CHD1: variants seen among roughly 807,000 people sequenced by gnomAD.
CHD1 encodes the protein chromodomain helicase DNA binding protein 1.
Under a neutral mutation model 224.2 loss-of-function variants are expected in CHD1, and 36 were observed. That is an observed-to-expected ratio of 0.16 (90% CI 0.12 to 0.21). The LOEUF (loss-of-function observed/expected upper bound fraction) is 0.21. Among genes scored for constraint, CHD1 ranks in the 10% least tolerant of loss-of-function variants. CHD1 has a pLI of 1.00. For missense variants in CHD1, 1,378 were observed against 1,994.8 expected, an observed-to-expected ratio of 0.69 and a Z score of 5.89; for synonymous variants, 668 against 658.3, an observed-to-expected ratio of 1.01 and a Z score of -0.23.
In CHD1 at chr5:98,870,699, A is replaced by G. The variant is rs1749266888; in HGVS notation, c.3966T>C (p.Ala1322=). ...LLSRDLAKKE[A]LSGAGSSKRR... Reference sequence around the variant, plus strand: ...GGCTTTAACTTACCGCACCAGAAAGAGCTTCTTTTTTTGCAAGATCTCTAC... The same window carrying G: ...GGCTTTAACTTACCGCACCAGAAAGGGCTTCTTTTTTTGCAAGATCTCTAC... The change falls in exon 29 of 36, where the codon GCT becomes GCC. Residue 1322 remains alanine, a synonymous_variant. Transcript: ENST00000614616. 2.5e-6 allele frequency: 4 copies of G among 1,593,624 alleles called. No individual in the cohort carries two copies. Among genetic ancestry groups the G allele is most frequent in the Non-Finnish European group, 3.4e-6 (4 of 1,168,610 alleles).
At chr5:98,870,951 T>G in intron 28 of CHD1, 148 bp from the exon 29 acceptor site, 1 of 443,544 alleles carries the variant, frequency 2.3e-6, no homozygotes, top group Non-Finnish European at 3.9e-6. Context: ...CAATGCAAAA[T>G]GTATTTTTTA....
intron 32 of CHD1, 150 bp downstream of exon 32, chr5:98,863,258 A>G (rs1050812535): frequency 2.2e-5 from 10 of 444,504 alleles, no homozygotes; most frequent in African/African-American, 4.1e-5. Context: ...ATTTAACATT[A>G]AAGGGAGAAA....
intron 12 of CHD1, among the ~76,000 whole-genome samples, chr5:98,895,107 C>A (rs991078385): frequency 6.6e-6 from 1 of 152,102 alleles, no homozygotes; most frequent in African/African-American, 2.4e-5. Flanking sequence ...AGGCATGAGC[C>A]GGCATGCCCG....
chr5:98,901,315 C>T lies in CHD1; in HGVS notation c.458G>A (p.Gly153Glu). Residue 153 changes from glycine to glutamate, a missense_variant, in exon 6 of 36, where the codon GGG (glycine) becomes GAG (glutamate). Transcript: ENST00000614616. Reference sequence around the variant, plus strand: ...ACCAGACTGAGATGGAGATCCTGACCCAGACATTTGCCAATCTTCACTGCA... The same window carrying T: ...ACCAGACTGAGATGGAGATCCTGACTCAGACATTTGCCAATCTTCACTGCA... ...KHKDEDWQMS[G>E]SGSPSQSGSD... 7 of 1,605,770 alleles carry T rather than the reference C, an allele frequency of 4.4e-6. No individual in the cohort carries two copies. The highest frequency in any genetic ancestry group is 1.1e-5 in the South Asian group (1 of 88,768).
At chr5:98,863,283 T>C (rs1217753198) in intron 32 of CHD1, 125 bp downstream of exon 32, 4 of 517,940 alleles carry the variant, frequency 7.7e-6, no homozygotes, top group East Asian at 3.3e-5. Flanking sequence ...AAAACAATCA[T>C]CTGTAGGTTA....
chr5:98,879,663 A>C lies in CHD1; in HGVS notation c.3126T>G (p.Asn1042Lys). 1 of 1,608,730 alleles carries C rather than the reference A, an allele frequency of 6.2e-7. No individual in the cohort carries two copies. Among genetic ancestry groups the C allele is most frequent in the South Asian group, 1.1e-5 (1 of 89,718 alleles). Residue 1042 changes from asparagine (N) to lysine (K), a missense_variant, in exon 23 of 36, where the codon AAT becomes AAG. By Grantham distance (94) the Asn-to-Lys change is moderately conservative (BLOSUM62 0). Transcript: ENST00000614616. ...IELEPERNSK[N>K]WEEIIPEDQR... ...GATCTTCTGGAATAATTTCCTCCCA[A>C]TTCTTTGAATTTCTTTCAGGTTCCA...
chr5:98,905,079 C>G lies in CHD1; in HGVS notation c.73G>C (p.Gly25Arg). ...CCAGATCCAGAGCCTGAAGCTGACC[C>G]AGAATCATCATCCGACTGGCTATAA... ...GESSQSDDDS[G>R]SASGSGSGSS... The change falls in exon 3 of 36, where the codon GGG (glycine) becomes CGG (arginine). Residue 25 changes from glycine (G) to arginine (R), a missense_variant. Gly to Arg is a moderately radical substitution (Grantham distance 125, BLOSUM62 -2). Transcript: ENST00000614616. The G allele has an allele frequency of 6.2e-7, 1 of 1,610,426 alleles. No individual in the cohort carries two copies. Among genetic ancestry groups the G allele is most frequent in the Non-Finnish European group, 8.5e-7 (1 of 1,176,668 alleles).
In CHD1 at chr5:98,883,291, G is replaced by A. The variant is rs1011131015; in HGVS notation, c.2569-54C>T. Reference sequence around the variant, plus strand: ...AAATTTTTCAATTGATTTTCTGAACGTAAGCAGTATGGTACTAATTAAACA... The same window carrying A: ...AAATTTTTCAATTGATTTTCTGAACATAAGCAGTATGGTACTAATTAAACA... On this transcript the variant is annotated intron_variant, in intron 18 of 35. Transcript: ENST00000614616. The A allele has an allele frequency of 4.2e-5, 54 of 1,280,886 alleles. 1 individual carries two copies. The highest frequency in any genetic ancestry group is 9.0e-5 in the African/African-American group (6 of 66,802). 79.3% of individuals were successfully genotyped at this position (1,280,886 alleles called of 1,614,324 possible). A position where few individuals can be genotyped will look rare whatever the true frequency, so the allele number is the denominator to read the frequency against.
At chr5:98,883,042 A>C in intron 19 of CHD1, 46 bp downstream of exon 19, 1 of 1,215,186 alleles carries the variant, frequency 8.2e-7, no homozygotes, top group Non-Finnish European at 1.1e-6. Context: ...AAAAAAAAAA[A>C]AGAATTCTAA....
chr5:98,867,787 T>G (rs550004412), intron 31 of CHD1, among the ~76,000 whole-genome samples: 203 of 146,722 alleles, frequency 1.4e-3, no homozygotes, highest in Non-Finnish European at 2.6e-3. Flanking sequence ...CCTCCTTTTA[T>G]CTTCCTTGTT....
rs569521312 is a variant in CHD1 at position 98,928,084 on chromosome 5, C to T, written c.-149+455G>A. Among the ~76,000 whole-genome samples, 60 of 152,234 alleles carry T rather than the reference C, an allele frequency of 3.9e-4. 2 individuals carry two copies. In the East Asian group the frequency reaches 0.011, roughly 28 times the overall value. ...TCCCTCGCGGACCTGCCCCCCTCTCCCAGGGCCTCCATCCCGGTCCAGGAG... is the reference window on the plus strand; with the variant it reads ...TCCCTCGCGGACCTGCCCCCCTCTCTCAGGGCCTCCATCCCGGTCCAGGAG... On this transcript the variant is annotated intron_variant, in intron 1 of 35. Coordinates refer to ENST00000614616, the MANE Select transcript of CHD1 (RefSeq NM_001270.4).
In CHD1 at chr5:98,914,244, G is replaced by C. The variant is rs75510523; in HGVS notation, c.54-9146C>G. 9.2e-3 allele frequency among the ~76,000 whole-genome samples: 1,401 copies of C among 152,282 alleles called. 16 individuals are homozygous for C. The highest frequency in any genetic ancestry group is 0.025 in the South Asian group (123 of 4,826). Reference sequence around the variant, plus strand: ...TGCTAGCTGAAAAGGGCAACCACTAGTATTGGAAGCCATACATTAAGAAGA... The same window carrying C: ...TGCTAGCTGAAAAGGGCAACCACTACTATTGGAAGCCATACATTAAGAAGA... On this transcript the variant is annotated intron_variant, in intron 2 of 35. Coordinates refer to ENST00000614616, the MANE Select transcript of CHD1 (RefSeq NM_001270.4).
intron 32 of CHD1, 144 bp from the exon 33 acceptor site, chr5:98,860,212 C>A: frequency 1.5e-6 from 1 of 652,208 alleles, no homozygotes; most frequent in Non-Finnish European, 2.9e-6. Flanking sequence ...TATTAATTTT[C>A]CTATGCATTT....
chr5:98,921,393 T>G (rs1243050747), intron 2 of CHD1, among the ~76,000 whole-genome samples: 1 of 152,206 alleles, frequency 6.6e-6, no homozygotes, highest in Non-Finnish European at 1.5e-5. Context: ...TAGCTTCATA[T>G]AAATGTATAT....
At chr5:98,897,970 T>C (rs553168376) in intron 10 of CHD1, among the ~76,000 whole-genome samples, 1 of 152,260 alleles carries the variant, frequency 6.6e-6, no homozygotes, top group Non-Finnish European at 1.5e-5. Flanking sequence ...CTCATCTTTC[T>C]GACATAGTGA....
At position 98,869,755 on chromosome 5, in the gene CHD1, T is replaced by G. The variant is rs767171470; in HGVS notation, c.4106A>C (p.Lys1369Thr). The G allele has an allele frequency of 1.2e-6, 2 of 1,613,172 alleles. No homozygotes were observed. The highest frequency in any genetic ancestry group is 8.5e-7 in the Non-Finnish European group (1 of 1,179,600). Residue 1369 changes from lysine (K) to threonine (T), a missense_variant and splice_region_variant, in exon 30 of 36, where the codon AAA becomes ACA. Physicochemically the swap from Lys to Thr is moderately conservative, Grantham distance 78. Coordinates refer to ENST00000614616, the MANE Select transcript of CHD1 (RefSeq NM_001270.4). ...PSEKSDEDDDKLSESKSDGRE... is the reference protein window; with the variant it reads ...PSEKSDEDDDTLSESKSDGRE... ...TGTTGTTCTAAAACACATTCTTACT[T>G]TATCATCATCTTCATCAGACTTCTC...
Position 98,879,496 on chromosome 5 carries a change from C to T in CHD1, c.3237+56G>A. 2.0e-6 allele frequency: 3 copies of T among 1,487,222 alleles called. No homozygotes were observed. In the South Asian group the frequency reaches 4.1e-5, roughly 20 times the overall value. The allele number at this position is 1,487,222 out of a possible 1,614,324, so 92.1% of individuals were successfully genotyped here. A position where few individuals can be genotyped will look rare whatever the true frequency, so the allele number is the denominator to read the frequency against. On this transcript the variant is annotated intron_variant, in intron 23 of 35. Coordinates refer to ENST00000614616, the MANE Select transcript of CHD1 (RefSeq NM_001270.4). ...GATACCTCGTAGAAACAAACAAAAT[C>T]AGCCCAGGTTGAATACTCTTACTTT...
chr5:98,926,814 T>C (rs1385417646), intron 1 of CHD1, among the ~76,000 whole-genome samples: 1 of 151,574 alleles, frequency 6.6e-6, no homozygotes, highest in African/African-American at 2.4e-5. Context: ...CAACTAACAA[T>C]GTTTTTATAG....
Position 98,881,276 on chromosome 5 carries a change from T to TTTC in CHD1, c.2964+2_2964+3insGAA. The stretch of plus-strand genomic sequence containing the variant: ...CCTTTTTTTTTTTTTTTTTTTTTTT[T>TTTC]ACCTGGGGCTCTTGTTCTTCTCCTT... On this transcript the variant is annotated splice_region_variant and intron_variant, in intron 21 of 35. Coordinates refer to ENST00000614616, the MANE Select transcript of CHD1 (RefSeq NM_001270.4). 8.2e-7 allele frequency: 1 copy of TTTC among 1,213,480 alleles called. No individual in the cohort carries two copies. Among genetic ancestry groups the TTTC allele is most frequent in the Non-Finnish European group, 1.1e-6 (1 of 888,500 alleles). 75.2% of individuals were successfully genotyped at this position (1,213,480 alleles called of 1,614,324 possible).
Sources: allele counts gnomAD v4.1 joint callset (sites outside exome capture counted in the v4.1 genomes callset), GRCh38; gene constraint gnomAD v4.1.1; transcripts MANE v1.5; gene names NCBI Gene and HGNC (gene_info 2026-07-23, HGNC 2026-07-21).